SVIL: variants seen among roughly 807,000 people sequenced by gnomAD.
The protein encoded by SVIL is archvillin.
Under a neutral mutation model 240.4 loss-of-function variants are expected in SVIL, and 101 were observed. The observed-to-expected ratio is 0.42, with a 90% CI of 0.36 to 0.50. The LOEUF (loss-of-function observed/expected upper bound fraction) is 0.50. SVIL is among the 20% of genes least tolerant of loss of function. The pLI, the probability that SVIL is intolerant of heterozygous loss-of-function variation, is 0.01. For missense variants in SVIL, 2,512 were observed against 2,818.7 expected (o/e 0.89, Z 2.46); for synonymous variants, 999 against 1,100.0 (o/e 0.91, Z 1.82).
rs539102316 is a variant in SVIL at position 29,589,549 on chromosome 10, G to A, written c.-200-20237C>T. On this transcript the variant is annotated intron_variant, in intron 1 of 37. Transcript: ENST00000355867. ...AATTAGATGGCACTGAAGCACCACC[G>A]TATTCCCCCTTTCCTCTTCAGCTGC... Among the ~76,000 whole-genome samples the A allele has an allele frequency of 1.1e-4, 16 of 152,254 alleles. No individual in the cohort carries two copies. The South Asian group carries it at 3.3e-3, about 32-fold the overall frequency.
In SVIL at chr10:29,653,000, CT is replaced by C. The variant is rs895855388; in HGVS notation, c.-201+4968del. 3.5e-3 allele frequency among the ~76,000 whole-genome samples: 493 copies of C among 141,164 alleles called. 2 individuals carry two copies. The highest frequency in any genetic ancestry group is 4.7e-3 in the Non-Finnish European group (301 of 64,486). 92.6% of individuals were successfully genotyped at this position (141,164 alleles called of 152,430 possible). A position where few individuals can be genotyped will look rare whatever the true frequency, so the allele number is the denominator to read the frequency against. ...TCTGTGAATCGCCTTTTTCCTTTTC[CT>C]TTTTTTTTTTTTTCTGAGTCGTTCT... On this transcript the variant is annotated intron_variant, in intron 3 of 35. Transcript: ENST00000375400.
intron 5 of SVIL, among the ~76,000 whole-genome samples, chr10:29,553,744 G>A (rs1282055516): frequency 6.6e-6 from 1 of 152,210 alleles, no homozygotes; most frequent in African/African-American, 2.4e-5. Flanking sequence ...GAAAAGCTGA[G>A]TCACGTGCAC....
intron 1 of SVIL, among the ~76,000 whole-genome samples, chr10:29,708,257 C>CAAAAAA (rs35982600): frequency 1.6e-5 from 1 of 62,698 alleles, no homozygotes; most frequent in Admixed American, 2.1e-4. Context: ...GACTCCATCT[C>CAAAAAA]AAAAAAAAAA....
At chr10:29,608,638 C>A (rs1288975080) in intron 1 of SVIL, among the ~76,000 whole-genome samples, 1 of 152,240 alleles carries the variant, frequency 6.6e-6, no homozygotes, top group African/African-American at 2.4e-5. Context: ...TGTGGCAGAC[C>A]CAGCACCCTG....
intron 2 of SVIL, among the ~76,000 whole-genome samples, chr10:29,670,451 G>A (rs1959676773): frequency 6.6e-6 from 1 of 152,222 alleles, no homozygotes; most frequent in African/African-American, 2.4e-5. Flanking sequence ...CCAGGTTGCA[G>A]AGTGTGGGTA....
chr10:29,512,683 C>T, intron 17 of SVIL, 52 bp downstream of exon 17: 1 of 1,613,658 alleles, frequency 6.2e-7, no homozygotes, highest in Non-Finnish European at 8.5e-7. Context: ...TTTTGATGCA[C>T]TTCCAAGAGT....
At chr10:29,474,164 G>C (rs1945908303) in intron 29 of SVIL, among the ~76,000 whole-genome samples, 175 bp from the exon 30 acceptor site, 1 of 152,144 alleles carries the variant, frequency 6.6e-6, no homozygotes, top group Non-Finnish European at 1.5e-5. Context: ...CAGGAGAAGA[G>C]AAAAACCACC....
chr10:29,555,114 A>G lies in SVIL; in HGVS notation c.-50-6T>C, dbSNP rs1953783473. 8.7e-6 allele frequency: 14 copies of G among 1,603,258 alleles called. No individual in the cohort carries two copies. Among genetic ancestry groups the G allele is most frequent in the Non-Finnish European group, 1.1e-5 (13 of 1,176,724 alleles). Reference sequence around the variant, plus strand: ...GATTTGTCTTAATTCTGCAACTGGAAGAAAACCAAAAAAGAACAAAATATA... The same window carrying G: ...GATTTGTCTTAATTCTGCAACTGGAGGAAAACCAAAAAAGAACAAAATATA... On this transcript the variant is annotated splice_polypyrimidine_tract_variant and splice_region_variant and intron_variant, in intron 3 of 37. Transcript: ENST00000355867.
chr10:29,482,294 A>G (rs1157245948), intron 27 of SVIL, among the ~76,000 whole-genome samples: 1 of 152,098 alleles, frequency 6.6e-6, no homozygotes, highest in Non-Finnish European at 1.5e-5. Flanking sequence ...TCAGTCTCCC[A>G]AAGTGCTGGG....
chr10:29,534,516 T>G (rs1175519183), intron 7 of SVIL, among the ~76,000 whole-genome samples: 1 of 152,088 alleles, frequency 6.6e-6, no homozygotes, highest in Non-Finnish European at 1.5e-5. Context: ...AAAACAAAAA[T>G]AAAATAAAAA....
intron 29 of SVIL, among the ~76,000 whole-genome samples, chr10:29,479,673 A>T (rs755747900): frequency 1.3e-5 from 2 of 152,208 alleles, no homozygotes; most frequent in Non-Finnish European, 2.9e-5. Flanking sequence ...ATCTTGTATA[A>T]ATCAGGAAAG....
At position 29,512,184 on chromosome 10, in the gene SVIL, A is replaced by G. The variant is rs866483631; in HGVS notation, c.3516+551T>C. 2.6e-5 allele frequency among the ~76,000 whole-genome samples: 4 copies of G among 152,370 alleles called. No homozygotes were observed. In the South Asian group the frequency reaches 8.3e-4, roughly 32 times the overall value. On this transcript the variant is annotated intron_variant, in intron 17 of 37. Transcript: ENST00000355867. ...TTTCGCATATGAAATGCTTGCTAGT[A>G]TTGATCACCATGCATTACCTAATTT... is the stretch of plus-strand genomic sequence containing the variant.
chr10:29,665,086 A>T (rs983349016), intron 2 of SVIL, among the ~76,000 whole-genome samples: 11 of 152,010 alleles, frequency 7.2e-5, no homozygotes, highest in Admixed American at 1.3e-4. Context: ...TCTCTACAAA[A>T]TTTTTTTAAG....
At chr10:29,641,315 A>AATCCCAGC (rs1327474725) in intron 3 of SVIL, among the ~76,000 whole-genome samples, 1 of 152,160 alleles carries the variant, frequency 6.6e-6, no homozygotes, top group Non-Finnish European at 1.5e-5. Context: ...TCTCGCCTGT[A>AATCCCAGC]ATCCCAGCAC....
chr10:29,470,152 C>T (rs1945389616), intron 32 of SVIL, 124 bp downstream of exon 32: 2 of 1,113,354 alleles, frequency 1.8e-6, no homozygotes, highest in Admixed American at 2.0e-5. Flanking sequence ...CGTTCCCAGC[C>T]ATCCTTTGCT....
intron 25 of SVIL, 32 bp downstream of exon 25, chr10:29,486,378 T>C: frequency 1.9e-6 from 3 of 1,610,228 alleles, no homozygotes; most frequent in Non-Finnish European, 2.5e-6. Context: ...GATTCAAGTC[T>C]CGTCAATCTC....
At chr10:29,577,703 AG>A (rs1306548658) in intron 1 of SVIL, among the ~76,000 whole-genome samples, 2 of 152,218 alleles carry the variant, frequency 1.3e-5, no homozygotes, top group Non-Finnish European at 2.9e-5. Context: ...GATACCCAGT[AG>A]TGGGATTGCT....
Position 29,666,529 on chromosome 10 carries a change from C to T in SVIL, c.-300-8461G>A, listed in dbSNP as rs117990391. Among the ~76,000 whole-genome samples, 158 of 152,300 alleles carry T rather than the reference C, an allele frequency of 1.0e-3. 2 individuals carry two copies. The highest frequency in any genetic ancestry group is 8.9e-3 in the East Asian group (46 of 5,184). ...ATAGGAGTCCACTGCCTCGTACAGA[C>T]GACCCGTGAGCCTGGTACACTTACG... is the stretch of plus-strand genomic sequence containing the variant. On this transcript the variant is annotated intron_variant, in intron 2 of 35. Transcript: ENST00000375400.
chr10:29,539,978 C>A (rs1433253842), intron 6 of SVIL, among the ~76,000 whole-genome samples: 3 of 152,066 alleles, frequency 2.0e-5, no homozygotes, highest in African/African-American at 7.2e-5. Flanking sequence ...CAAAATATAA[C>A]CTCTTTCTAC....
Sources: allele counts gnomAD v4.1 joint callset (sites outside exome capture counted in the v4.1 genomes callset), GRCh38; gene constraint gnomAD v4.1.1; transcripts MANE v1.5; gene names NCBI Gene and HGNC (gene_info 2026-07-23, HGNC 2026-07-21).